Variants in HYCC2 observed in about 807,000 individuals in gnomAD.
HYCC2 encodes the protein hyccin PI4KA lipid kinase complex subunit 2.
chr2:201,068,766 C>G, the HYCC2 span, among the ~76,000 whole-genome samples: 1 of 152,158 alleles, frequency 6.6e-6, no homozygotes, highest in Admixed American at 6.6e-5. Flanking sequence ...GAGCTGTACT[C>G]GGAACAGATG....
At chr2:201,027,543 A>G in the HYCC2 span, among the ~76,000 whole-genome samples, 2 of 152,228 alleles carry the variant, frequency 1.3e-5, no homozygotes, top group African/African-American at 4.8e-5. Flanking sequence ...ATCCCTGATG[A>G]ACATCGATGC....
At chr2:201,037,364 C>A in the HYCC2 span, among the ~76,000 whole-genome samples, 1 of 152,192 alleles carries the variant, frequency 6.6e-6, no homozygotes, top group African/African-American at 2.4e-5. Context: ...CTACCAATGA[C>A]CTTCTTCACA....
At chr2:201,062,509 G>A in the HYCC2 span, among the ~76,000 whole-genome samples, 8 of 152,192 alleles carry the variant, frequency 5.3e-5, no homozygotes, top group Middle Eastern at 3.4e-3. Flanking sequence ...TTAGCCAGGC[G>A]TGGTGGTGGC....
At chr2:201,048,933 G>A in the HYCC2 span, among the ~76,000 whole-genome samples, 348 of 151,862 alleles carry the variant, frequency 2.3e-3, 3 homozygotes, top group Middle Eastern at 3.4e-3. Flanking sequence ...GCAACATGGC[G>A]AAACCCATTA....
At chr2:201,053,127 T>C in the HYCC2 span, among the ~76,000 whole-genome samples, 5 of 146,774 alleles carry the variant, frequency 3.4e-5, no homozygotes, top group Non-Finnish European at 7.6e-5. Flanking sequence ...AATCTTAAAA[T>C]TTTTTTTTTT....
the HYCC2 span, chr2:200,975,057 T>A: frequency 2.0e-5 from 3 of 152,092 alleles, no homozygotes; most frequent in East Asian, 5.8e-4. Context: ...ATGAGTAGGA[T>A]CCTTAATTTA....
chr2:201,048,456 T>C, the HYCC2 span, among the ~76,000 whole-genome samples: 1 of 151,860 alleles, frequency 6.6e-6, no homozygotes, highest in South Asian at 2.1e-4. Flanking sequence ...CACAAATTTG[T>C]AAACTTTCTT....
the HYCC2 span, among the ~76,000 whole-genome samples, chr2:200,989,299 T>C: frequency 6.6e-6 from 1 of 152,172 alleles, no homozygotes; most frequent in Non-Finnish European, 1.5e-5. Context: ...ATTTACAAGA[T>C]TGTTGAAAGG....
At chr2:201,066,786 A>C in the HYCC2 span, 1 of 153,442 alleles carries the variant, frequency 6.5e-6, no homozygotes, top group Admixed American at 6.5e-5. Context: ...TGAAAGGCTG[A>C]AAGTAGTCAT....
At chr2:201,034,495 T>A in the HYCC2 span, among the ~76,000 whole-genome samples, 1 of 152,202 alleles carries the variant, frequency 6.6e-6, no homozygotes, top group Non-Finnish European at 1.5e-5. Context: ...TGAGCCTATG[T>A]GTGTCTCTGC....
chr2:201,053,715 A>G, the HYCC2 span, among the ~76,000 whole-genome samples: 2 of 152,214 alleles, frequency 1.3e-5, no homozygotes, highest in African/African-American at 4.8e-5. Flanking sequence ...CTGTAATCCC[A>G]GCACTTTGGG....
the HYCC2 span, chr2:200,976,845 A>G: frequency 6.6e-6 from 1 of 152,204 alleles, no homozygotes; most frequent in Admixed American, 6.5e-5. Flanking sequence ...CTCTTTCTAC[A>G]TTAAAAAGTA....
At chr2:201,056,834 C>CCAT in the HYCC2 span, among the ~76,000 whole-genome samples, 1 of 152,182 alleles carries the variant, frequency 6.6e-6, no homozygotes, top group Non-Finnish European at 1.5e-5. Flanking sequence ...GCACTTAAGT[C>CCAT]CATCTAAAGC....
the HYCC2 span, chr2:201,063,135 T>G: frequency 6.2e-7 from 1 of 1,610,564 alleles, no homozygotes; most frequent in Non-Finnish European, 8.5e-7. Flanking sequence ...CTGAGGAAGC[T>G]CTTCATTGGA....
chr2:201,066,342 G>A, the HYCC2 span, among the ~76,000 whole-genome samples: 2 of 152,124 alleles, frequency 1.3e-5, no homozygotes, highest in African/African-American at 2.4e-5. Context: ...CCGAGATGCT[G>A]GGATTACAGG....
chr2:200,998,434 T>G, the HYCC2 span, among the ~76,000 whole-genome samples: 1 of 152,186 alleles, frequency 6.6e-6, no homozygotes, highest in African/African-American at 2.4e-5. Flanking sequence ...AGTAAACCAG[T>G]CCCTTACCTC....
At chr2:201,026,627 G>A in the HYCC2 span, among the ~76,000 whole-genome samples, 1 of 152,198 alleles carries the variant, frequency 6.6e-6, no homozygotes, top group Non-Finnish European at 1.5e-5. Flanking sequence ...TCAGACCACA[G>A]TGCAATCAAA....
chr2:200,975,495 TAA>T, the HYCC2 span: 2 of 152,070 alleles, frequency 1.3e-5, no homozygotes, highest in African/African-American at 4.8e-5. Flanking sequence ...TACACATTTT[TAA>T]AAAGACTCAT....
At chr2:201,034,036 C>A in the HYCC2 span, among the ~76,000 whole-genome samples, 1 of 150,862 alleles carries the variant, frequency 6.6e-6, no homozygotes, top group Non-Finnish European at 1.5e-5. Flanking sequence ...CCTATTTGAT[C>A]TTTCCTATAA....
Sources: gnomAD v4.1 joint callset for allele counts (sites outside exome capture counted in the v4.1 genomes callset) on GRCh38, gnomAD v4.1.1 for gene constraint, MANE v1.5 for transcripts, NCBI Gene and HGNC (gene_info 2026-07-23, HGNC 2026-07-21) for gene names.